The following MTUS2 variants were observed in gnomAD, a reference collection of about 807,000 sequenced individuals.
MTUS2 encodes microtubule-associated tumor suppressor candidate 2.
Under a neutral mutation model 114.1 loss-of-function variants are expected in MTUS2, and 40 were observed. The observed-to-expected ratio is 0.35, with a 90% CI of 0.27 to 0.46. The LOEUF (loss-of-function observed/expected upper bound fraction) is 0.46. Ranked by LOEUF, MTUS2 falls within the 20% of genes least tolerant of loss-of-function variation. The pLI, the probability that MTUS2 is intolerant of heterozygous loss-of-function variation, is 1.00. For missense variants in MTUS2, 1,679 were observed against 1,705.4 expected (o/e 0.98, Z 0.27); for synonymous variants, 688 against 672.0 (o/e 1.02, Z -0.37).
At chr13:29,360,001 T>C (rs554969077) in intron 8 of MTUS2, among the ~76,000 whole-genome samples, 28 of 152,296 alleles carry the variant, frequency 1.8e-4, no homozygotes, top group Admixed American at 5.2e-4. Context: ...CCCTCAATTT[T>C]TCTGAAAATG....
chr13:29,477,944 C>T lies in MTUS2; in HGVS notation c.3185-2206C>T, dbSNP rs192298139. Among the ~76,000 whole-genome samples, 469 of 152,144 alleles carry T rather than the reference C, an allele frequency of 3.1e-3. 5 individuals are homozygous for T. Among genetic ancestry groups the T allele is most frequent in the African/African-American group, 0.011 (451 of 41,490 alleles). On this transcript the variant is annotated intron_variant, in intron 9 of 15. Transcript: ENST00000612955. The stretch of plus-strand genomic sequence containing the variant: ...TAAAAAGAAGAAATTTCCATTTTCA[C>T]GATAATATTTAAATTTATTAATTGA...
At chr13:29,185,115 T>C (rs1894167634) in intron 5 of MTUS2, among the ~76,000 whole-genome samples, 2 of 152,038 alleles carry the variant, frequency 1.3e-5, no homozygotes. Flanking sequence ...ATAGAAAATC[T>C]AGAGTTGAAA....
At chr13:29,240,389 A>C (rs1398665886) in intron 5 of MTUS2, among the ~76,000 whole-genome samples, 11 of 152,348 alleles carry the variant, frequency 7.2e-5, no homozygotes, top group African/African-American at 2.6e-4. Context: ...ATAAAACCCC[A>C]GCTACCAGAT....
chr13:28,904,968 A>C lies in MTUS2; in HGVS notation c.-243+65118A>C, dbSNP rs557003034. On this transcript the variant is annotated intron_variant, in intron 2 of 15. Coordinates refer to ENST00000612955, the MANE Select transcript of MTUS2 (RefSeq NM_001033602.4). ...GTAGTTCTCCTTGAAGAGGTCCTTC[A>C]CGTCCCTTGTAAGTTGGATTCGTAG... 2.0e-3 allele frequency among the ~76,000 whole-genome samples: 298 copies of C among 151,492 alleles called. 1 individual carries two copies. The highest frequency in any genetic ancestry group is 7.0e-3 in the African/African-American group (288 of 40,918).
intron 8 of MTUS2, among the ~76,000 whole-genome samples, chr13:29,414,444 T>G (rs2138563484): frequency 9.8e-6 from 1 of 102,544 alleles, no homozygotes; most frequent in Non-Finnish European, 2.0e-5. Context: ...ACCCTAAAAC[T>G]TAGAGTATAA....
chr13:28,935,134 TA>T lies in MTUS2; in HGVS notation c.-242-89322del, dbSNP rs1881834989. Among the ~76,000 whole-genome samples the T allele has an allele frequency of 3.3e-5, 5 of 151,770 alleles. No homozygotes were observed. In the South Asian group the frequency reaches 1.0e-3, roughly 32 times the overall value. On this transcript the variant is annotated intron_variant, in intron 2 of 15. Transcript: ENST00000612955. ...TGTCACTTCAGCACATGACATTTTG[TA>T]GTTCTTTTCTTCATTGCTGTGAAGT... is the stretch of plus-strand genomic sequence containing the variant.
At chr13:29,287,931 G>A (rs974474435) in intron 6 of MTUS2, among the ~76,000 whole-genome samples, 1 of 152,180 alleles carries the variant, frequency 6.6e-6, no homozygotes, top group Non-Finnish European at 1.5e-5. Context: ...AACGTTGACC[G>A]ATGTTTAAAT....
At chr13:29,226,891 G>A (rs1355425328) in intron 5 of MTUS2, among the ~76,000 whole-genome samples, 1 of 152,142 alleles carries the variant, frequency 6.6e-6, no homozygotes, top group Admixed American at 6.5e-5. Flanking sequence ...TTCAAGAAGA[G>A]TGATTACAGG....
At chr13:29,124,268 T>C (rs1394028620) in intron 5 of MTUS2, among the ~76,000 whole-genome samples, 1 of 152,226 alleles carries the variant, frequency 6.6e-6, no homozygotes, top group African/African-American at 2.4e-5. Context: ...GATACTGATA[T>C]TCTAATTTAA....
Position 29,501,142 on chromosome 13 carries a change from C to G in MTUS2, c.3844C>G (p.Gln1282Glu). Residue 1282 changes from glutamine (Q) to glutamate (E), a missense_variant, in exon 15 of 16, where the codon CAG (glutamine) becomes GAG (glutamate). By Grantham distance (29) the Gln-to-Glu change is conservative. Coordinates refer to ENST00000612955, the MANE Select transcript of MTUS2 (RefSeq NM_001033602.4). Reference protein sequence around the residue: ...ILEEKIQVLQQQNEDLKARID... With the variant: ...ILEEKIQVLQEQNEDLKARID... Reference sequence around the variant, plus strand: ...AGAAGAAAAGATCCAGGTTCTCCAACAGCAGAACGAAGACCTCAAAGCAAG... The same window carrying G: ...AGAAGAAAAGATCCAGGTTCTCCAAGAGCAGAACGAAGACCTCAAAGCAAG... The G allele has an allele frequency of 6.2e-7, 1 of 1,614,170 alleles. No individual in the cohort carries two copies. The highest frequency in any genetic ancestry group is 8.5e-7 in the Non-Finnish European group (1 of 1,180,002).
intron 6 of MTUS2, among the ~76,000 whole-genome samples, chr13:29,311,406 A>G (rs1899755606): frequency 6.6e-6 from 1 of 152,238 alleles, no homozygotes; most frequent in Admixed American, 6.5e-5. Flanking sequence ...ATTGTATTTT[A>G]TAATAGATAT....
chr13:29,269,849 G>A (rs568746837), intron 5 of MTUS2, among the ~76,000 whole-genome samples: 2 of 152,138 alleles, frequency 1.3e-5, no homozygotes, highest in Admixed American at 6.5e-5. Flanking sequence ...TGGTATCTAC[G>A]TAAAGCAGAA....
intron 2 of MTUS2, among the ~76,000 whole-genome samples, chr13:29,001,227 A>G (rs983484684): frequency 2.6e-5 from 4 of 152,160 alleles, no homozygotes; most frequent in African/African-American, 7.2e-5. Context: ...GAGGAGTGAT[A>G]TGATCTAATT....
At chr13:29,352,813 T>C (rs1397757583) in intron 7 of MTUS2, among the ~76,000 whole-genome samples, 4 of 152,252 alleles carry the variant, frequency 2.6e-5, no homozygotes, top group African/African-American at 7.2e-5. Context: ...TATGAAAATT[T>C]GTGTCACTAA....
intron 6 of MTUS2, among the ~76,000 whole-genome samples, chr13:29,294,138 A>C (rs537967843): frequency 1.2e-4 from 18 of 152,268 alleles, no homozygotes; most frequent in African/African-American, 4.3e-4. Flanking sequence ...AAAATGAAAC[A>C]AAAATATCTC....
intron 8 of MTUS2, among the ~76,000 whole-genome samples, chr13:29,375,569 AT>A (rs1871588788): frequency 6.9e-4 from 5 of 7,282 alleles, no homozygotes; most frequent in African/African-American, 1.6e-3. Context: ...GTATATATAT[AT>A]ATACATATAT....
intron 2 of MTUS2, among the ~76,000 whole-genome samples, chr13:29,019,027 C>G (rs896563200): frequency 7.9e-5 from 12 of 152,106 alleles, no homozygotes; most frequent in Non-Finnish European, 1.5e-4. Flanking sequence ...AACAATGGCC[C>G]TTACACAACT....
intron 5 of MTUS2, among the ~76,000 whole-genome samples, chr13:29,112,956 T>G (rs912553636): frequency 6.6e-6 from 1 of 152,194 alleles, no homozygotes; most frequent in Non-Finnish European, 1.5e-5. Context: ...AGTAATACAC[T>G]GAGTCAGTAA....
intron 5 of MTUS2, among the ~76,000 whole-genome samples, chr13:29,176,791 A>G (rs1893792948): frequency 6.8e-6 from 1 of 146,726 alleles, no homozygotes; most frequent in Admixed American, 6.6e-5. Flanking sequence ...AATTCAGACC[A>G]TGATAACAGC....
Sources: allele counts gnomAD v4.1 joint callset (sites outside exome capture counted in the v4.1 genomes callset), GRCh38; gene constraint gnomAD v4.1.1; transcripts MANE v1.5; gene names NCBI Gene and HGNC (gene_info 2026-07-23, HGNC 2026-07-21).